The following GALNTL6 variants were observed in gnomAD, a reference collection of about 807,000 sequenced individuals.
GALNTL6 encodes polypeptide N-acetylgalactosaminyltransferase like 6.
A neutral mutation model predicts 73.7 loss-of-function variants in GALNTL6; 46 were observed. The ratio of observed to expected loss-of-function variants is 0.62; its 90% CI spans 0.49 to 0.80. The LOEUF (loss-of-function observed/expected upper bound fraction) is 0.80. Ranked by LOEUF, GALNTL6 falls within the 30% of genes least tolerant of loss-of-function variation. The pLI is 0.00. For synonymous variants in GALNTL6, 259 were observed against 263.7 expected, an observed-to-expected ratio of 0.98 and a Z score of 0.17; for missense variants, 604 against 755.0, an observed-to-expected ratio of 0.80 and a Z score of 2.34.
intron 2 of GALNTL6, among the ~76,000 whole-genome samples, chr4:171,857,437 A>G (rs1735722269): frequency 6.6e-6 from 1 of 152,140 alleles, no homozygotes; most frequent in Non-Finnish European, 1.5e-5. Context: ...TGGCTTTAAC[A>G]TAGAGAATCT....
At chr4:172,922,513 A>G (rs1747848229) in intron 8 of GALNTL6, among the ~76,000 whole-genome samples, 1 of 148,834 alleles carries the variant, frequency 6.7e-6, no homozygotes, top group African/African-American at 2.6e-5. Context: ...TGGCAGACTG[A>G]AAAAAAAATA....
intron 8 of GALNTL6, among the ~76,000 whole-genome samples, chr4:172,910,119 G>A (rs1167563657): frequency 6.6e-6 from 1 of 151,780 alleles, no homozygotes; most frequent in Non-Finnish European, 1.5e-5. Flanking sequence ...TAGTATATGT[G>A]AACATATTTA....
At chr4:172,883,229 T>A (rs532218790) in intron 8 of GALNTL6, among the ~76,000 whole-genome samples, 1 of 152,308 alleles carries the variant, frequency 6.6e-6, no homozygotes, top group African/African-American at 2.4e-5. Context: ...ATTGCAATTC[T>A]TCTCCTCTAG....
chr4:172,304,211 T>C (rs1036995817), intron 3 of GALNTL6, among the ~76,000 whole-genome samples: 16 of 152,292 alleles, frequency 1.1e-4, no homozygotes, highest in African/African-American at 3.8e-4. Flanking sequence ...TCATTTCCCC[T>C]GAGTAATAAG....
At chr4:172,182,763 A>G (rs1301026347) in intron 2 of GALNTL6, among the ~76,000 whole-genome samples, 6 of 152,034 alleles carry the variant, frequency 3.9e-5, no homozygotes, top group Non-Finnish European at 5.9e-5. Flanking sequence ...AAAAAAATTT[A>G]TTATGACAAA....
chr4:172,158,230 A>G (rs1025832685), intron 2 of GALNTL6, among the ~76,000 whole-genome samples: 2 of 152,196 alleles, frequency 1.3e-5, no homozygotes, highest in Non-Finnish European at 2.9e-5. Context: ...AATATTTGAT[A>G]TCTTTACGTG....
intron 2 of GALNTL6, among the ~76,000 whole-genome samples, chr4:172,032,961 T>C (rs1317149374): frequency 6.6e-6 from 1 of 152,082 alleles, no homozygotes; most frequent in African/African-American, 2.4e-5. Flanking sequence ...ATTCTTATAG[T>C]ACATGAAAAT....
At chr4:172,431,402 T>C (rs542437077) in intron 5 of GALNTL6, among the ~76,000 whole-genome samples, 1 of 152,282 alleles carries the variant, frequency 6.6e-6, no homozygotes, top group African/African-American at 2.4e-5. Context: ...TTTGATGACA[T>C]TGTATTTAAT....
At chr4:172,569,264 T>G (rs1045356027) in intron 5 of GALNTL6, among the ~76,000 whole-genome samples, 2 of 152,128 alleles carry the variant, frequency 1.3e-5, no homozygotes, top group African/African-American at 4.8e-5. Flanking sequence ...GCTGTCTTCT[T>G]GCAGTGTCTT....
At chr4:172,998,989 T>TAAAAAA (rs5864178) in intron 10 of GALNTL6, among the ~76,000 whole-genome samples, 1 of 137,840 alleles carries the variant, frequency 7.3e-6, no homozygotes, top group African/African-American at 2.7e-5. Context: ...ATTTTAATAT[T>TAAAAAA]AAAAAAAAAA....
intron 5 of GALNTL6, among the ~76,000 whole-genome samples, chr4:172,413,527 A>G (rs1744517392): frequency 6.6e-6 from 1 of 152,218 alleles, no homozygotes. Context: ...TTTTACAGCC[A>G]AGTATATTTC....
intron 4 of GALNTL6, among the ~76,000 whole-genome samples, chr4:172,342,901 T>A (rs1741620215): frequency 6.6e-6 from 1 of 152,154 alleles, no homozygotes; most frequent in Admixed American, 6.6e-5. Context: ...TAGGGATACA[T>A]CATCTAATTA....
At chr4:172,057,905 C>T (rs1393304286) in intron 2 of GALNTL6, among the ~76,000 whole-genome samples, 1 of 151,466 alleles carries the variant, frequency 6.6e-6, no homozygotes, top group East Asian at 1.9e-4. Context: ...GAACATAGCT[C>T]TTTCCTGAGA....
At chr4:172,203,979 C>G (rs762031667) in intron 2 of GALNTL6, among the ~76,000 whole-genome samples, 1 of 152,148 alleles carries the variant, frequency 6.6e-6, no homozygotes, top group Non-Finnish European at 1.5e-5. Context: ...CTAACGACCT[C>G]AGGTGATCTG....
chr4:172,170,672 G>A (rs377458246), intron 2 of GALNTL6, among the ~76,000 whole-genome samples: 1 of 151,826 alleles, frequency 6.6e-6, no homozygotes. Flanking sequence ...CACCAAACCC[G>A]GCTAATTTTT....
intron 10 of GALNTL6, among the ~76,000 whole-genome samples, chr4:172,981,574 G>A (rs1751063338): frequency 6.6e-6 from 1 of 152,118 alleles, no homozygotes; most frequent in African/African-American, 2.4e-5. Flanking sequence ...CTTTATGCAA[G>A]TACCATACTG....
chr4:171,823,365 G>A (rs1410085184), intron 2 of GALNTL6, among the ~76,000 whole-genome samples: 1 of 152,000 alleles, frequency 6.6e-6, no homozygotes, highest in African/African-American at 2.4e-5. Context: ...AAGGAGAATG[G>A]AGGTAGTCAA....
Position 172,209,538 on chromosome 4 carries a change from A to G in GALNTL6, c.139-20118A>G, listed in dbSNP as rs1579257554. On this transcript the variant is annotated intron_variant, in intron 2 of 12. Coordinates refer to ENST00000506823, the MANE Select transcript of GALNTL6 (RefSeq NM_001034845.3). ...TAATGCTACATTTTATTGAATCGTA[A>G]CAAGTACGTACAAACAAGAAAAAAC... is the stretch of plus-strand genomic sequence containing the variant. 2.0e-5 allele frequency among the ~76,000 whole-genome samples: 3 copies of G among 152,038 alleles called. No individual in the cohort carries two copies. The East Asian group carries it at 5.8e-4, about 29-fold the overall frequency.
chr4:172,270,761 GTAGA>G (rs1366203313), intron 3 of GALNTL6, among the ~76,000 whole-genome samples: 1 of 123,564 alleles, frequency 8.1e-6, no homozygotes, highest in African/African-American at 3.0e-5. Context: ...ATGATAGATA[GTAGA>G]TAGATAATCT....
Sources: gnomAD v4.1 joint callset for allele counts (sites outside exome capture counted in the v4.1 genomes callset) on GRCh38, gnomAD v4.1.1 for gene constraint, MANE v1.5 for transcripts, NCBI Gene and HGNC (gene_info 2026-07-23, HGNC 2026-07-21) for gene names.